The following ACADL variants were observed in gnomAD, a reference collection of about 807,000 sequenced individuals.
The protein encoded by ACADL is long-chain specific acyl-CoA dehydrogenase, mitochondrial.
In ACADL, 60 loss-of-function variants were observed where a neutral mutation model predicts 56.9. The observed-to-expected ratio is 1.05, with a 90% CI of 0.86 to 1.31. The LOEUF is 1.31. ACADL is among the 50% of genes most tolerant of loss of function. The pLI, the probability that ACADL is intolerant of heterozygous loss-of-function variation, is 0.00. For synonymous variants in ACADL, 158 were observed against 179.7 expected (o/e 0.88, Z 0.97); for missense variants, 484 against 525.5 (o/e 0.92, Z 0.77).
chr2:210,201,679 T>C (rs1688794920), intron 8 of ACADL, among the ~76,000 whole-genome samples: 1 of 152,182 alleles, frequency 6.6e-6, no homozygotes, highest in African/African-American at 2.4e-5. Flanking sequence ...CTTAAAAATT[T>C]TTAAGTCAAA....
At chr2:210,224,800 C>CCGCG in intron 1 of ACADL, 1 of 999,386 alleles carries the variant, frequency 1.0e-6, no homozygotes. Flanking sequence ...AGATCGCAGC[C>CCGCG]CGCGCTCCTG....
chr2:210,215,535 A>T (rs1689072380), intron 4 of ACADL, among the ~76,000 whole-genome samples: 1 of 151,904 alleles, frequency 6.6e-6, no homozygotes, highest in African/African-American at 2.4e-5. Flanking sequence ...TAATGCCCAG[A>T]TTTTCCTCCT....
intron 7 of ACADL, among the ~76,000 whole-genome samples, chr2:210,203,967 T>C (rs1309714632): frequency 2.0e-5 from 3 of 152,240 alleles, no homozygotes; most frequent in African/African-American, 7.2e-5. Flanking sequence ...TCAATATATC[T>C]GTGGAAATAA....
At position 210,210,282 on chromosome 2, in the gene ACADL, TAAA is replaced by T. The variant is rs369064648; in HGVS notation, c.537-23_537-21del. ...AAGTCACTGTAATTGAAAGAAAAGATAAAAAATTCATCAAATGATAAAAATTAA... is the reference window on the plus strand; with the variant it reads ...AAGTCACTGTAATTGAAAGAAAAGATAAATTCATCAAATGATAAAAATTAA... On this transcript the variant is annotated intron_variant, in intron 4 of 10. Transcript: ENST00000233710. The T allele has an allele frequency of 7.1e-6, 11 of 1,551,190 alleles. No individual in the cohort carries two copies. Among genetic ancestry groups the T allele is most frequent in the Non-Finnish European group, 9.8e-6 (11 of 1,124,544 alleles).
At position 210,216,259 on chromosome 2, in the gene ACADL, T is replaced by C; in HGVS notation, c.536+88A>G. 7 of 1,434,142 alleles carry C rather than the reference T, an allele frequency of 4.9e-6. No homozygotes were observed. In the South Asian group the frequency reaches 8.1e-5, roughly 17 times the overall value. 88.8% of individuals were successfully genotyped at this position (1,434,142 alleles called of 1,614,324 possible). Reference sequence around the variant, plus strand: ...GTTCATCTTTGCCTTCCTCCTAGCATATAGCTCAGTCTATGTATTAACCAA... The same window carrying C: ...GTTCATCTTTGCCTTCCTCCTAGCACATAGCTCAGTCTATGTATTAACCAA... On this transcript the variant is annotated intron_variant, in intron 4 of 10. Coordinates refer to ENST00000233710, the MANE Select transcript of ACADL (RefSeq NM_001608.4).
At chr2:210,219,369 C>G (rs1689139876) in intron 2 of ACADL, among the ~76,000 whole-genome samples, 1 of 152,118 alleles carries the variant, frequency 6.6e-6, no homozygotes, top group South Asian at 2.1e-4. Flanking sequence ...GAGGCTAAGG[C>G]AGGAGGATCG....
At chr2:210,220,112 T>TA (rs1353926018) in intron 2 of ACADL, among the ~76,000 whole-genome samples, 12 of 152,192 alleles carry the variant, frequency 7.9e-5, no homozygotes, top group African/African-American at 2.9e-4. Flanking sequence ...ATTTTTGACT[T>TA]ATGATATTTT....
Position 210,218,010 on chromosome 2 carries a change from C to T in ACADL, c.326G>A (p.Gly109Glu). Reference sequence around the variant, plus strand: ...TGCGGAGTACAGATCCCCTCCAATTCCACCAAGATGCTCTGCAATATTGAC... The same window carrying T: ...TGCGGAGTACAGATCCCCTCCAATTTCACCAAGATGCTCTGCAATATTGAC... Reference protein sequence around the residue: ...LGVNIAEHLGGIGGDLYSAAI... With the variant: ...LGVNIAEHLGEIGGDLYSAAI... Residue 109 changes from glycine (G) to glutamate (E), a missense_variant, in exon 3 of 11, where the codon GGA becomes GAA. Coordinates refer to ENST00000233710, the MANE Select transcript of ACADL (RefSeq NM_001608.4). 1 of 1,614,068 alleles carries T rather than the reference C, an allele frequency of 6.2e-7. No individual in the cohort carries two copies. Among genetic ancestry groups the T allele is most frequent in the Non-Finnish European group, 8.5e-7 (1 of 1,180,008 alleles).
intron 8 of ACADL, 58 bp downstream of exon 8, chr2:210,203,267 CCCCAGG>C: frequency 9.0e-7 from 1 of 1,113,618 alleles, no homozygotes; most frequent in Non-Finnish European, 1.4e-6. Flanking sequence ...CTTCTATTTA[CCCCAGG>C]CCATTTCAGA....
rs533301923 is a variant in ACADL, at chr2:210,213,503, A to G, written c.536+2844T>C. Among the ~76,000 whole-genome samples, 130 of 152,334 alleles carry G rather than the reference A, an allele frequency of 8.5e-4. 2 individuals are homozygous for G. In the South Asian group the frequency reaches 0.018, roughly 22 times the overall value. On this transcript the variant is annotated intron_variant, in intron 4 of 10. Transcript: ENST00000233710. The stretch of plus-strand genomic sequence containing the variant: ...TGACAAGAGCGAGACTGTTTAAAAA[A>G]AAAAAATTCTTCTATACAGGGACAT...
At chr2:210,192,959 A>G in intron 9 of ACADL, 69 bp from the exon 10 acceptor site, 2 of 1,171,806 alleles carry the variant, frequency 1.7e-6, no homozygotes, top group Non-Finnish European at 2.5e-6. Context: ...CTTCAAAACC[A>G]GAAAACTAAT....
chr2:210,203,592 T>A, intron 7 of ACADL, 148 bp from the exon 8 acceptor site: 3 of 582,758 alleles, frequency 5.1e-6, no homozygotes, highest in Middle Eastern at 4.5e-4. Context: ...GAAAACAGAT[T>A]TATGAGATTC....
chr2:210,217,928 C>T, intron 3 of ACADL, 37 bp downstream of exon 3: 2 of 1,612,540 alleles, frequency 1.2e-6, no homozygotes, highest in East Asian at 2.2e-5. Flanking sequence ...GGTGTGTTTA[C>T]AAAACAAGAC....
At chr2:210,209,340 G>C (rs1277938111) in intron 5 of ACADL, among the ~76,000 whole-genome samples, 1 of 152,056 alleles carries the variant, frequency 6.6e-6, no homozygotes, top group Non-Finnish European at 1.5e-5. Flanking sequence ...ACCATTTCAG[G>C]TGGGCAATAT....
chr2:210,193,552 GATA>G (rs979181370), intron 9 of ACADL, among the ~76,000 whole-genome samples: 8 of 151,980 alleles, frequency 5.3e-5, no homozygotes, highest in Non-Finnish European at 2.9e-5. Flanking sequence ...ATTCTTTTCT[GATA>G]ATATCACAAT....
intron 1 of ACADL, among the ~76,000 whole-genome samples, chr2:210,223,993 C>G (rs1460074998): frequency 6.6e-6 from 1 of 151,784 alleles, no homozygotes; most frequent in African/African-American, 2.4e-5. Context: ...TTTGGGAGAC[C>G]GAGGCGGGCA....
At chr2:210,192,737 A>C in intron 10 of ACADL, 67 bp downstream of exon 10, 5 of 1,226,376 alleles carry the variant, frequency 4.1e-6, no homozygotes, top group Non-Finnish European at 6.0e-6. Context: ...CATTTGATGT[A>C]CAAAGTAAAG....
At chr2:210,198,301 A>G (rs1688742184) in intron 8 of ACADL, among the ~76,000 whole-genome samples, 1 of 152,178 alleles carries the variant, frequency 6.6e-6, no homozygotes, top group South Asian at 2.1e-4. Context: ...TTGCTCTCAC[A>G]TATTATGGTT....
chr2:210,209,926 C>T (rs1688950330), intron 5 of ACADL: 2 of 352,974 alleles, frequency 5.7e-6, no homozygotes, highest in Non-Finnish European at 1.0e-5. Context: ...TGAGCCTCAC[C>T]TTGTCTTTTT....
Sources: gnomAD v4.1 joint callset for allele counts (sites outside exome capture counted in the v4.1 genomes callset) on GRCh38, gnomAD v4.1.1 for gene constraint, MANE v1.5 for transcripts, NCBI Gene and HGNC (gene_info 2026-07-23, HGNC 2026-07-21) for gene names.